The following FARP2 variants were observed in gnomAD, a reference collection of about 807,000 sequenced individuals.
The protein encoded by FARP2 is FERM, ARHGEF and pleckstrin domain-containing protein 2.
A neutral mutation model predicts 130.5 loss-of-function variants in FARP2; 111 were observed. The observed-to-expected ratio is 0.85, with a 90% CI of 0.73 to 1.00. The LOEUF is 1.00. Among genes scored for constraint, FARP2 ranks in the 50% least tolerant of loss-of-function variants. FARP2 has a pLI of 0.00. For missense variants in FARP2, 1,385 were observed against 1,346.3 expected (o/e 1.03, Z -0.45); for synonymous variants, 504 against 516.9 (o/e 0.98, Z 0.34).
intron 19 of FARP2, chr2:241,478,964 A>T (rs564017566): frequency 2.4e-6 from 1 of 423,950 alleles, no homozygotes; most frequent in African/African-American, 2.1e-5. Context: ...GAAGGCCAAG[A>T]TTTTGCAAGA....
chr2:241,369,232 CA>C (rs1400029941), intron 1 of FARP2, among the ~76,000 whole-genome samples: 1 of 152,074 alleles, frequency 6.6e-6, no homozygotes, highest in African/African-American at 2.4e-5. Flanking sequence ...TCTAGTGTGT[CA>C]TGTTCTCGTG....
intron 2 of FARP2, among the ~76,000 whole-genome samples, chr2:241,400,869 G>A (rs933128082): frequency 1.3e-5 from 2 of 152,144 alleles, no homozygotes; most frequent in African/African-American, 4.8e-5. Flanking sequence ...CATACTCCAC[G>A]GTTCATAATT....
intron 1 of FARP2, among the ~76,000 whole-genome samples, chr2:241,371,563 GGAGCAATTAAGT>G (rs1309544115): frequency 1.3e-5 from 2 of 152,150 alleles, no homozygotes; most frequent in Non-Finnish European, 2.9e-5. Context: ...CAGGAGACTC[GGAGCAATTAAGT>G]TGTCGTGCAA....
intron 13 of FARP2, chr2:241,442,518 T>TAA: frequency 4.4e-6 from 2 of 455,526 alleles, no homozygotes; most frequent in Non-Finnish European, 8.8e-6. Flanking sequence ...AGCAAATAGA[T>TAA]AAAAACCCAT....
At position 241,402,399 on chromosome 2, in the gene FARP2, A is replaced by G. The variant is rs1165898873; in HGVS notation, c.184-1429A>G. Among the ~76,000 whole-genome samples, 4 of 152,292 alleles carry G rather than the reference A, an allele frequency of 2.6e-5. No homozygotes were observed. In the South Asian group the frequency reaches 6.2e-4, roughly 24 times the overall value. ...TTTAGTATCTTTTTAAATGCATAGT[A>G]GCCATTTGTACATCTTCATCTAATA... On this transcript the variant is annotated intron_variant, in intron 2 of 26. Coordinates refer to ENST00000264042, the MANE Select transcript of FARP2 (RefSeq NM_014808.4).
At chr2:241,356,974 G>A (rs1235370288) in intron 1 of FARP2, among the ~76,000 whole-genome samples, 1 of 152,240 alleles carries the variant, frequency 6.6e-6, no homozygotes, top group African/African-American at 2.4e-5. Context: ...CCAGTGGGTA[G>A]CCTTTGGGAA....
chr2:241,463,763 C>T, intron 16 of FARP2, 136 bp from the exon 17 acceptor site: 1 of 790,402 alleles, frequency 1.3e-6, no homozygotes, highest in Non-Finnish European at 2.1e-6. Flanking sequence ...CAGGCCCTGC[C>T]CTGCGGCCTC....
Position 241,490,005 on chromosome 2 carries a change from C to T in FARP2, c.2465C>T (p.Thr822Ile). Residue 822 changes from threonine to isoleucine, a missense_variant, in exon 22 of 27, where the codon ACC becomes ATC. By Grantham distance (89) the Thr-to-Ile change is moderately conservative. Transcript: ENST00000264042. Reference sequence around the variant, plus strand: ...GAGTGGTCTGTTCCACACTGTTTCACCATCTACGCGGCTCAGAAAACAATC... The same window carrying T: ...GAGTGGTCTGTTCCACACTGTTTCATCATCTACGCGGCTCAGAAAACAATC... ...DNEWSVPHCF[T>I]IYAAQKTIVV... 1 of 1,614,002 alleles carries T rather than the reference C, an allele frequency of 6.2e-7. No individual in the cohort carries two copies. Among genetic ancestry groups the T allele is most frequent in the Non-Finnish European group, 8.5e-7 (1 of 1,179,848 alleles).
chr2:241,406,286 C>A (rs1189262988), intron 4 of FARP2, among the ~76,000 whole-genome samples: 5 of 151,238 alleles, frequency 3.3e-5, no homozygotes, highest in African/African-American at 1.2e-4. Context: ...CCAGCCTGGG[C>A]GACAGAGAGA....
At chr2:241,367,165 A>T (rs1340320694) in intron 1 of FARP2, among the ~76,000 whole-genome samples, 2 of 152,138 alleles carry the variant, frequency 1.3e-5, no homozygotes, top group African/African-American at 2.4e-5. Flanking sequence ...AAGTGTGTGC[A>T]GATGAGTTCT....
At chr2:241,452,137 T>G (rs547554967) in intron 13 of FARP2, among the ~76,000 whole-genome samples, 2 of 152,340 alleles carry the variant, frequency 1.3e-5, no homozygotes, top group Admixed American at 6.5e-5. Context: ...AAGTGTCCTT[T>G]TATGATATCC....
In FARP2 at chr2:241,441,369, G is replaced by A. The variant is rs370662010; in HGVS notation, c.1224G>A (p.Ser408=). 2.5e-5 allele frequency: 41 copies of A among 1,613,740 alleles called. No individual in the cohort carries two copies. Among genetic ancestry groups the A allele is most frequent in the East Asian group, 2.2e-4 (10 of 44,880 alleles). ...ASPSSANAFY[S]LSPSTLVPSG... Reference sequence around the variant, plus strand: ...CATCTTCAGCGAATGCCTTTTACTCGCTCTCTCCCTCCACTCTGGTCCCCT... The same window carrying A: ...CATCTTCAGCGAATGCCTTTTACTCACTCTCTCCCTCCACTCTGGTCCCCT... The change falls in exon 13 of 27, where the codon TCG becomes TCA. Residue 408 remains serine, a synonymous_variant. Coordinates refer to ENST00000264042, the MANE Select transcript of FARP2 (RefSeq NM_014808.4).
chr2:241,406,169 A>G (rs955556923), intron 4 of FARP2, among the ~76,000 whole-genome samples: 3 of 146,748 alleles, frequency 2.0e-5, no homozygotes, highest in African/African-American at 7.6e-5. Flanking sequence ...GTGTAGGGGC[A>G]TGGTGGGGGG....
Position 241,453,769 on chromosome 2 carries a change from G to GTTTTTT in FARP2, c.1412-2951_1412-2946dup, listed in dbSNP as rs1180224982. ...TGTTTACTGGGAGTGGCACTTACTG[G>GTTTTTT]TTTTTTTTTTTTTTTTTTTTTTTTT... On this transcript the variant is annotated intron_variant, in intron 13 of 26. Coordinates refer to ENST00000264042, the MANE Select transcript of FARP2 (RefSeq NM_014808.4). Among the ~76,000 whole-genome samples, 51 of 54,050 alleles carry GTTTTTT rather than the reference G, an allele frequency of 9.4e-4. 6 individuals are homozygous for GTTTTTT. The East Asian group carries it at 0.022, about 23-fold the overall frequency. 35.5% of individuals were successfully genotyped at this position (54,050 alleles called of 152,430 possible).
At chr2:241,387,063 C>CATG (rs1476433139) in intron 2 of FARP2, 1 of 152,228 alleles carries the variant, frequency 6.6e-6, no homozygotes, top group Non-Finnish European at 1.5e-5. Context: ...TTCTTATATA[C>CATG]AGCCTAATGG....
At chr2:241,449,512 T>C (rs942309429) in intron 13 of FARP2, among the ~76,000 whole-genome samples, 4 of 144,924 alleles carry the variant, frequency 2.8e-5, no homozygotes, top group African/African-American at 7.4e-5. Context: ...GAAATAAAAA[T>C]AACTTTACCT....
intron 19 of FARP2, among the ~76,000 whole-genome samples, 153 bp from the exon 20 acceptor site, chr2:241,483,312 G>A (rs2064670434): frequency 6.6e-6 from 1 of 152,216 alleles, no homozygotes; most frequent in African/African-American, 2.4e-5. Context: ...GAGGGTAGAG[G>A]AGCCCCATTG....
intron 1 of FARP2, among the ~76,000 whole-genome samples, chr2:241,370,720 G>A (rs1272896717): frequency 6.6e-6 from 1 of 152,126 alleles, no homozygotes; most frequent in Non-Finnish European, 1.5e-5. Context: ...TTAAAGTGTT[G>A]TTCTGTTTGT....
chr2:241,360,010 C>T (rs1482437580), intron 1 of FARP2, among the ~76,000 whole-genome samples: 1 of 152,168 alleles, frequency 6.6e-6, no homozygotes, highest in East Asian at 1.9e-4. Flanking sequence ...GATGAAGCCT[C>T]CTCCCTGTCT....
Sources: allele counts gnomAD v4.1 joint callset (sites outside exome capture counted in the v4.1 genomes callset), GRCh38; gene constraint gnomAD v4.1.1; transcripts MANE v1.5; gene names NCBI Gene and HGNC (gene_info 2026-07-23, HGNC 2026-07-21).